The following MAP2K5 variants were observed in gnomAD, a reference collection of about 807,000 sequenced individuals.
The protein encoded by MAP2K5 is mitogen-activated protein kinase kinase 5, also known as dual specificity mitogen-activated protein kinase kinase 5.
In MAP2K5, 49 loss-of-function variants were observed where a neutral mutation model predicts 83.1. The observed-to-expected ratio is 0.59, with a 90% CI of 0.47 to 0.75. MAP2K5 has a LOEUF of 0.75. MAP2K5 is among the 30% of genes least tolerant of loss of function. MAP2K5 has a pLI of 0.00. For missense variants in MAP2K5, 457 were observed against 557.5 expected, an observed-to-expected ratio of 0.82 and a Z score of 1.82; for synonymous variants, 202 against 191.8, an observed-to-expected ratio of 1.05 and a Z score of -0.44.
chr15:67,778,260 G>A lies in MAP2K5; in HGVS notation c.1242+5508G>A, dbSNP rs1046227925. On this transcript the variant is annotated intron_variant, in intron 21 of 21. Transcript: ENST00000178640. This position sits in a 1 kb window ranked among gnomAD's most constrained non-coding sequence, Gnocchi z 5.0. ...CTGATTGTAATTACATTTTCAGATA[G>A]TATGGTTGGTTGTTCTCTCAATTAA... 6.6e-6 allele frequency among the ~76,000 whole-genome samples: 1 copy of A among 152,208 alleles called. No individual in the cohort carries two copies. Among genetic ancestry groups the A allele is most frequent in the Non-Finnish European group, 1.5e-5 (1 of 68,034 alleles).
rs143751150 is a variant in MAP2K5, at chr15:67,794,969, G to A, written c.1243-11677G>A. The stretch of plus-strand genomic sequence containing the variant: ...GGACTCTGAAACCTCTGACGCCCCC[G>A]CGGTGGGTGATGTTTTGTCAGTGCT... On this transcript the variant is annotated intron_variant, in intron 21 of 21. Transcript: ENST00000178640. The surrounding 1 kb of genome is among the most constrained non-coding windows in gnomAD (Gnocchi z 4.6). Among the ~76,000 whole-genome samples the A allele has an allele frequency of 1.5e-4, 23 of 152,352 alleles. No homozygotes were observed. The highest frequency in any genetic ancestry group is 5.5e-4 in the African/African-American group (23 of 41,584).
At position 67,572,236 on chromosome 15, in the gene MAP2K5, T is replaced by C. The variant is rs1192089304; in HGVS notation, c.253-8518T>C. On this transcript the variant is annotated intron_variant, in intron 3 of 21. Coordinates refer to ENST00000178640, the MANE Select transcript of MAP2K5 (RefSeq NM_145160.3). The surrounding 1 kb of genome is among the most constrained non-coding windows in gnomAD (Gnocchi z 4.2). ...GGAGCTGCCTGTGATTCAGTCTGTA[T>C]GGACAGTGACGGGGGAGAGGGTGGG... 1.3e-5 allele frequency among the ~76,000 whole-genome samples: 2 copies of C among 152,104 alleles called. No homozygotes were observed. Among genetic ancestry groups the C allele is most frequent in the African/African-American group, 4.8e-5 (2 of 41,408 alleles).
intron 3 of MAP2K5, among the ~76,000 whole-genome samples, chr15:67,570,940 T>C (rs1013260349): frequency 2.6e-5 from 4 of 152,222 alleles, no homozygotes; most frequent in Admixed American, 6.5e-5. Context: ...TTAGGCATGC[T>C]AAGGAGAGAT....
rs146085596 is a variant in MAP2K5 at position 67,563,880 on chromosome 15, C to T, written c.252+530C>T. On this transcript the variant is annotated intron_variant, in intron 3 of 21. Transcript: ENST00000178640. The surrounding 1 kb of genome is among the most constrained non-coding windows in gnomAD (Gnocchi z 4.5). Reference sequence around the variant, plus strand: ...AAAGTGATCTGAATATATTCTGAAACGACTTTTCTTTTGTGTTTAAAATTT... The same window carrying T: ...AAAGTGATCTGAATATATTCTGAAATGACTTTTCTTTTGTGTTTAAAATTT... Among the ~76,000 whole-genome samples, 35 of 152,162 alleles carry T rather than the reference C, an allele frequency of 2.3e-4. No individual in the cohort carries two copies. The highest frequency in any genetic ancestry group is 6.3e-4 in the African/African-American group (26 of 41,518).
rs768386830 is a variant in MAP2K5, at chr15:67,693,541, G to A, written c.945G>A (p.Thr315=). The A allele has an allele frequency of 7.8e-5, 125 of 1,611,534 alleles. No individual in the cohort carries two copies. Among genetic ancestry groups the A allele is most frequent in the Non-Finnish European group, 1.0e-4 (120 of 1,178,568 alleles). The change falls in exon 15 of 22, where the codon ACG becomes ACA. Residue 315 remains threonine (T), a synonymous_variant. Transcript: ENST00000178640. ...STQLVNSIAK[T]YVGTNAYMAP... is the part of the protein sequence containing the mutation. ...AGCTGGTGAATTCTATAGCCAAGAC[G>A]TATGTTGGAACAAATGCTTATATGG...
Position 67,774,879 on chromosome 15 carries a change from A to C in MAP2K5, c.1242+2127A>C, listed in dbSNP as rs763375612. On this transcript the variant is annotated intron_variant, in intron 21 of 21. Transcript: ENST00000178640. The surrounding 1 kb of genome is among the most constrained non-coding windows in gnomAD (Gnocchi z 4.9). ...AAATGTGAGGCCTGCAGGATTGTCA[A>C]GGTTTCCCTGTAGGCCTCCATTTCC... 6.6e-6 allele frequency among the ~76,000 whole-genome samples: 1 copy of C among 152,260 alleles called. No homozygotes were observed. The highest frequency in any genetic ancestry group is 1.5e-5 in the Non-Finnish European group (1 of 68,044).
chr15:67,574,330 G>T (rs1307726887), intron 3 of MAP2K5, among the ~76,000 whole-genome samples: 1 of 152,190 alleles, frequency 6.6e-6, no homozygotes, highest in African/African-American at 2.4e-5. Context: ...CCAGCACTTT[G>T]GGAGGCCAAG....
chr15:67,635,225 G>T (rs370104122), intron 9 of MAP2K5, among the ~76,000 whole-genome samples: 1 of 138,456 alleles, frequency 7.2e-6, no homozygotes, highest in Non-Finnish European at 1.5e-5. Flanking sequence ...TCGCTCTGTC[G>T]CCTAGGCTGG....
chr15:67,716,341 TAAAAA>T (rs989605468), intron 16 of MAP2K5, among the ~76,000 whole-genome samples: 1 of 151,938 alleles, frequency 6.6e-6, no homozygotes, highest in Non-Finnish European at 1.5e-5. Context: ...ACTCTAAAAA[TAAAAA>T]AGAAAATAAA....
chr15:67,692,299 G>C (rs1233051382), intron 13 of MAP2K5, among the ~76,000 whole-genome samples, 180 bp from the exon 14 acceptor site: 1 of 152,106 alleles, frequency 6.6e-6, no homozygotes, highest in East Asian at 1.9e-4. Flanking sequence ...GAGGAGTTAA[G>C]ACCTTACATT....
At chr15:67,639,638 C>G (rs924202214) in intron 9 of MAP2K5, among the ~76,000 whole-genome samples, 1 of 152,150 alleles carries the variant, frequency 6.6e-6, no homozygotes, top group Non-Finnish European at 1.5e-5. Context: ...TCTTCAGAGG[C>G]TTCACGTCAC....
chr15:67,567,726 A>G (rs1007094222), intron 3 of MAP2K5, among the ~76,000 whole-genome samples: 3 of 152,190 alleles, frequency 2.0e-5, no homozygotes, highest in African/African-American at 4.8e-5. Flanking sequence ...CACAACCTAC[A>G]TATTCTGAAA....
intron 6 of MAP2K5, among the ~76,000 whole-genome samples, chr15:67,589,483 T>C (rs193163649): frequency 1.2e-3 from 187 of 152,346 alleles, no homozygotes; most frequent in African/African-American, 4.4e-3. Context: ...CTACTTAGCT[T>C]TCTCCTTCTG....
intron 12 of MAP2K5, among the ~76,000 whole-genome samples, chr15:67,662,314 T>C (rs150184841): frequency 5.0e-4 from 76 of 152,334 alleles, no homozygotes; most frequent in African/African-American, 1.8e-3. Context: ...CTTGATCAAC[T>C]AGAATTCTTG....
At chr15:67,704,341 G>A (rs1189993543) in intron 16 of MAP2K5, among the ~76,000 whole-genome samples, 1 of 152,178 alleles carries the variant, frequency 6.6e-6, no homozygotes, top group African/African-American at 2.4e-5. Flanking sequence ...CCTCCTGCCT[G>A]GACTTCCCAA....
At chr15:67,700,192 T>G (rs776789810) in intron 15 of MAP2K5, among the ~76,000 whole-genome samples, 3 of 152,206 alleles carry the variant, frequency 2.0e-5, no homozygotes, top group Non-Finnish European at 4.4e-5. Flanking sequence ...TGTGGATTCT[T>G]GTCAAGGCTG....
intron 6 of MAP2K5, among the ~76,000 whole-genome samples, chr15:67,590,442 C>CTCTCTCT (rs2085377738): frequency 5.2e-4 from 3 of 5,822 alleles, no homozygotes; most frequent in African/African-American, 1.1e-3. Context: ...TCTCTCCCTC[C>CTCTCTCT]CTCCCTCTCT....
Position 67,779,617 on chromosome 15 carries a change from C to A in MAP2K5, c.1242+6865C>A, listed in dbSNP as rs887759708. Among the ~76,000 whole-genome samples the A allele has an allele frequency of 1.3e-5, 2 of 152,202 alleles. No individual in the cohort carries two copies. Among genetic ancestry groups the A allele is most frequent in the African/African-American group, 4.8e-5 (2 of 41,444 alleles). The stretch of plus-strand genomic sequence containing the variant: ...GTTTTAATCTCCCAGTTAAGCATAG[C>A]TTTTTTCCTCCATCAGTCAAGTCAG... On this transcript the variant is annotated intron_variant, in intron 21 of 21. Coordinates refer to ENST00000178640, the MANE Select transcript of MAP2K5 (RefSeq NM_145160.3). The surrounding 1 kb of genome is among the most constrained non-coding windows in gnomAD (Gnocchi z 4.6).
At chr15:67,751,978 A>G (rs539732177) in intron 19 of MAP2K5, among the ~76,000 whole-genome samples, 12 of 151,770 alleles carry the variant, frequency 7.9e-5, no homozygotes, top group Non-Finnish European at 1.6e-4. Flanking sequence ...TCTGTTCTCT[A>G]TGGGCACTCC....
Sources: allele counts gnomAD v4.1 joint callset (sites outside exome capture counted in the v4.1 genomes callset), GRCh38; gene constraint gnomAD v4.1.1; non-coding constraint Gnocchi (gnomAD v3.1); transcripts MANE v1.5; gene names NCBI Gene and HGNC (gene_info 2026-07-23, HGNC 2026-07-21).